MEI1: variants seen among roughly 807,000 people sequenced by gnomAD.
MEI1 encodes meiotic double-stranded break formation protein 1.
A neutral mutation model predicts 146.2 loss-of-function variants in MEI1; 103 were observed. That is an observed-to-expected ratio of 0.70 (90% CI 0.60 to 0.83). MEI1 has a LOEUF of 0.83. MEI1 is among the 40% of genes least tolerant of loss of function. The pLI, the probability that MEI1 is intolerant of heterozygous loss-of-function variation, is 0.00. For missense variants in MEI1, 1,529 were observed against 1,533.0 expected (o/e 1.00, Z 0.04); for synonymous variants, 652 against 628.2 (o/e 1.04, Z -0.57).
rs2071684105 is a variant in MEI1, at chr22:41,729,690, T to G, written c.890T>G (p.Leu297Arg). The G allele has an allele frequency of 6.2e-7, 1 of 1,611,692 alleles. No individual in the cohort carries two copies. Among genetic ancestry groups the G allele is most frequent in the Non-Finnish European group, 8.5e-7 (1 of 1,179,058 alleles). Residue 297 changes from leucine (L) to arginine (R), a missense_variant, in exon 8 of 31, where the codon CTG becomes CGG. Leu to Arg is a moderately radical substitution (Grantham distance 102, BLOSUM62 -2). Around this residue, in one of 3 missense-constraint regions of MEI1, gnomAD observed 1,212 missense variants for 1,178.9 expected, o/e 1.03. Coordinates refer to ENST00000401548, the MANE Select transcript of MEI1 (RefSeq NM_152513.4). Reference protein sequence around the residue: ...KKLLLSRDETLQVASAHCITA... With the variant: ...KKLLLSRDETRQVASAHCITA... ...CTTCTCCTCTCTAGAGATGAAACCC[T>G]GCAGGTGGCCAGTGCTCACTGTATA...
intron 11 of MEI1, 124 bp from the exon 12 acceptor site, chr22:41,742,956 T>G: frequency 1.5e-6 from 1 of 656,898 alleles, no homozygotes; most frequent in South Asian, 1.9e-5. Flanking sequence ...GGAGTAAGGA[T>G]TTTTATCAGA....
At chr22:41,767,498 A>T (rs996381997) in intron 19 of MEI1, 2 of 447,162 alleles carry the variant, frequency 4.5e-6, no homozygotes, top group Non-Finnish European at 9.1e-6. Context: ...CCCAATAGCC[A>T]GAGTGTGGGT....
intron 22 of MEI1, among the ~76,000 whole-genome samples, chr22:41,780,990 A>G (rs1331677592): frequency 1.3e-5 from 2 of 152,194 alleles, no homozygotes; most frequent in Non-Finnish European, 2.9e-5. Flanking sequence ...TTCGACTGTT[A>G]AAGTTCCCTT....
chr22:41,746,033 T>A lies in MEI1; in HGVS notation c.1680+7T>A. 6.3e-7 allele frequency: 1 copy of A among 1,580,874 alleles called. No individual in the cohort carries two copies. On this transcript the variant is annotated splice_region_variant and intron_variant, in intron 14 of 30. Transcript: ENST00000401548. Reference sequence around the variant, plus strand: ...GTGTATCCCCATGGTGATGGTGGGTTCTCCTGAGCCACGGGCAACATGAAG... The same window carrying A: ...GTGTATCCCCATGGTGATGGTGGGTACTCCTGAGCCACGGGCAACATGAAG...
rs548129096 is a variant in MEI1, at chr22:41,769,199, G to T, written c.2269-1487G>T. ...AAAACTATAGTAATCAGGATAGTGT[G>T]GTACTGACATAGGAGTAGACATATA... On this transcript the variant is annotated intron_variant, in intron 19 of 30. Transcript: ENST00000401548. 4.6e-5 allele frequency among the ~76,000 whole-genome samples: 7 copies of T among 152,244 alleles called. No homozygotes were observed. The South Asian group carries it at 1.5e-3, about 32-fold the overall frequency.
At chr22:41,781,980 C>T in intron 24 of MEI1, 135 bp downstream of exon 24, 1 of 955,488 alleles carries the variant, frequency 1.0e-6, no homozygotes, top group Non-Finnish European at 1.5e-6. Context: ...TTTCTGAGCT[C>T]AGTTTCCTTT....
At chr22:41,726,812 C>T (rs1569189586) in intron 7 of MEI1, among the ~76,000 whole-genome samples, 5 of 150,430 alleles carry the variant, frequency 3.3e-5, no homozygotes, top group South Asian at 2.1e-4. Context: ...CTCGCTCTGT[C>T]GCCCAGGCTG....
intron 11 of MEI1, among the ~76,000 whole-genome samples, chr22:41,737,908 C>G (rs759865857): frequency 2.1e-5 from 3 of 145,568 alleles, no homozygotes; most frequent in Non-Finnish European, 2.9e-5. Context: ...TGCTTGAAAT[C>G]TTAAAAAATA....
At chr22:41,752,444 G>A (rs892013076) in intron 15 of MEI1, 147 bp from the exon 16 acceptor site, 3 of 696,640 alleles carry the variant, frequency 4.3e-6, no homozygotes, top group African/African-American at 3.6e-5. Context: ...CTTTTCCGGA[G>A]TGAAACTACT....
intron 5 of MEI1, 24 bp downstream of exon 5, chr22:41,716,170 G>T: frequency 6.6e-7 from 1 of 1,506,482 alleles, no homozygotes; most frequent in Non-Finnish European, 9.1e-7. Flanking sequence ...GGGAGGAGCT[G>T]CCACTACCCT....
rs1211248909 is a variant in MEI1, at chr22:41,752,581, TTC to T, written c.1793-6_1793-5del. ...AAACTGCTCTCTGCTTTATTCCCACTTCTCTGAAGCTTCCTCATCCTTCATAC... is the reference window on the plus strand; with the variant it reads ...AAACTGCTCTCTGCTTTATTCCCACTTCTGAAGCTTCCTCATCCTTCATAC... On this transcript the variant is annotated splice_region_variant and splice_polypyrimidine_tract_variant and intron_variant, in intron 15 of 30. Transcript: ENST00000401548. The T allele has an allele frequency of 6.3e-7, 1 of 1,591,924 alleles. No individual in the cohort carries two copies. The highest frequency in any genetic ancestry group is 1.3e-5 in the African/African-American group (1 of 74,540).
chr22:41,716,101 G>T lies in MEI1; in HGVS notation c.484G>T (p.Val162Leu), dbSNP rs766166171. The change falls in exon 5 of 31, where the codon GTG (valine) becomes TTG (leucine). Residue 162 changes from valine (V) to leucine (L), a missense_variant. Physicochemically the swap from Val to Leu is conservative, Grantham distance 32. Transcript: ENST00000401548. ...LATLTLLGKL[V>L]DAIPALADEL... ...CACCCTGACCCTTCTTGGCAAGTTG[G>T]TGGATGCCATCCCTGCTCTGGCAGA... 9.3e-6 allele frequency: 15 copies of T among 1,611,828 alleles called. No homozygotes were observed. The highest frequency in any genetic ancestry group is 8.4e-5 in the Admixed American group (5 of 59,800).
Position 41,732,467 on chromosome 22 carries a change from A to G in MEI1, c.1197-2A>G. The G allele has an allele frequency of 6.2e-7, 1 of 1,613,786 alleles. No individual in the cohort carries two copies. Among genetic ancestry groups the G allele is most frequent in the Non-Finnish European group, 8.5e-7 (1 of 1,179,814 alleles). The stretch of plus-strand genomic sequence containing the variant: ...ACTCGTTTCTCATCTTCCATTTCTC[A>G]GGCAGCCAGAGGAGATCAAGCTGTT... On this transcript the variant is annotated splice_acceptor_variant, in intron 10 of 30. Coordinates refer to ENST00000401548, the MANE Select transcript of MEI1 (RefSeq NM_152513.4). LOFTEE classifies it high-confidence loss of function.
rs779034827 is a variant in MEI1 at position 41,795,434 on chromosome 22, T to C, written c.3558T>C (p.Ser1186=). The C allele has an allele frequency of 2.5e-6, 4 of 1,613,524 alleles. No individual in the cohort carries two copies. The highest frequency in any genetic ancestry group is 2.2e-5 in the South Asian group (2 of 91,082). Reference sequence around the variant, plus strand: ...AGTTTATGCGGTACCGGAGTAGCAGTGTCCTCTCTCATGAAGAGGTGGGTG... The same window carrying C: ...AGTTTATGCGGTACCGGAGTAGCAGCGTCCTCTCTCATGAAGAGGTGGGTG... ...MTLFMRYRSS[S]VLSHEEVGDV... The change falls in exon 29 of 31, where the codon AGT becomes AGC. Residue 1186 remains serine, a synonymous_variant. Coordinates refer to ENST00000401548, the MANE Select transcript of MEI1 (RefSeq NM_152513.4). The surrounding 1 kb of genome is among the most constrained non-coding windows in gnomAD (Gnocchi z 4.2).
intron 20 of MEI1, among the ~76,000 whole-genome samples, chr22:41,773,790 G>A (rs368717888): frequency 1.6e-4 from 24 of 152,076 alleles, no homozygotes; most frequent in South Asian, 1.2e-3. Flanking sequence ...CAGAAGAATC[G>A]CTTGAACCCA....
chr22:41,766,811 T>C (rs925225830), intron 19 of MEI1, among the ~76,000 whole-genome samples: 9 of 152,164 alleles, frequency 5.9e-5, no homozygotes, highest in African/African-American at 2.2e-4. Context: ...GGATTACAGG[T>C]GTGAGCCACT....
intron 26 of MEI1, among the ~76,000 whole-genome samples, chr22:41,786,358 T>A (rs1227246727): frequency 6.6e-6 from 1 of 152,218 alleles, no homozygotes; most frequent in Non-Finnish European, 1.5e-5. Flanking sequence ...GGTGAGACTT[T>A]TAAAGCTACA....
At chr22:41,782,374 C>T (rs5758467) in intron 24 of MEI1, among the ~76,000 whole-genome samples, 40 of 152,256 alleles carry the variant, frequency 2.6e-4, no homozygotes, top group Non-Finnish European at 4.0e-4. Flanking sequence ...CATGGCAAGC[C>T]GTGGAATGCC....
At chr22:41,787,203 G>A (rs1401369676) in intron 26 of MEI1, among the ~76,000 whole-genome samples, 1 of 152,130 alleles carries the variant, frequency 6.6e-6, no homozygotes, top group Admixed American at 6.5e-5. Context: ...TTAGAATGCA[G>A]GAATCAGATG....
Sources: allele counts gnomAD v4.1 joint callset (sites outside exome capture counted in the v4.1 genomes callset), GRCh38; gene constraint gnomAD v4.1.1; regional missense constraint gnomAD v4.1.1; non-coding constraint Gnocchi (gnomAD v3.1); transcripts MANE v1.5; gene names NCBI Gene and HGNC (gene_info 2026-07-23, HGNC 2026-07-21).